ADAMTSL1: variants seen among roughly 807,000 people sequenced by gnomAD.
The protein encoded by ADAMTSL1 is ADAMTS-like protein 1.
In ADAMTSL1, 126 loss-of-function variants were observed where a neutral mutation model predicts 201.8. The observed-to-expected ratio is 0.62, with a 90% CI of 0.54 to 0.72. ADAMTSL1 has a LOEUF of 0.72. ADAMTSL1 is among the 30% of genes least tolerant of loss of function. The pLI is 0.00. For missense variants in ADAMTSL1, 2,679 were observed against 2,277.8 expected (o/e 1.18, Z -3.59); for synonymous variants, 1,121 against 903.4 (o/e 1.24, Z -4.32).
chr9:18,459,816 G>A (rs1820742705), intron 2 of ADAMTSL1, among the ~76,000 whole-genome samples: 1 of 152,132 alleles, frequency 6.6e-6, no homozygotes, highest in South Asian at 2.1e-4. Context: ...CGTAAATATG[G>A]TTCTTCCCAT....
intron 2 of ADAMTSL1, among the ~76,000 whole-genome samples, chr9:18,292,861 A>G (rs996796229): frequency 6.6e-6 from 1 of 152,190 alleles, no homozygotes; most frequent in Non-Finnish European, 1.5e-5. Context: ...CAGATAACCT[A>G]TCATGGGATT....
At chr9:18,038,516 G>A (rs1337741967) in intron 1 of ADAMTSL1, among the ~76,000 whole-genome samples, 1 of 152,144 alleles carries the variant, frequency 6.6e-6, no homozygotes, top group Non-Finnish European at 1.5e-5. Context: ...TTTTCAAGCT[G>A]ATGGCAATTC....
intron 9 of ADAMTSL1, among the ~76,000 whole-genome samples, chr9:18,673,150 A>G (rs561618433): frequency 1.3e-5 from 2 of 152,214 alleles, no homozygotes; most frequent in South Asian, 4.1e-4. Context: ...ACACACACCC[A>G]CATCGAGACC....
intron 14 of ADAMTSL1, among the ~76,000 whole-genome samples, chr9:18,710,552 G>A (rs1197365292): frequency 6.6e-6 from 1 of 151,852 alleles, no homozygotes; most frequent in African/African-American, 2.4e-5. Flanking sequence ...TTATTGGTTT[G>A]GAGTTATGTA....
At chr9:18,023,480 G>T (rs1820564275) in intron 1 of ADAMTSL1, among the ~76,000 whole-genome samples, 1 of 152,086 alleles carries the variant, frequency 6.6e-6, no homozygotes, top group African/African-American at 2.4e-5. Context: ...GACCAGATGG[G>T]GTCAAGAACC....
At position 18,157,489 on chromosome 9, in the gene ADAMTSL1, T is replaced by C. The variant is rs79725819; in HGVS notation, c.88-6373T>C. Among the ~76,000 whole-genome samples the C allele has an allele frequency of 5.5e-3, 836 of 152,106 alleles. 13 individuals are homozygous for C. Among genetic ancestry groups the C allele is most frequent in the African/African-American group, 0.019 (785 of 41,520 alleles). On this transcript the variant is annotated intron_variant, in intron 1 of 29. Transcript: ENST00000680146. The stretch of plus-strand genomic sequence containing the variant: ...TCTGGGACAGATCTTTAAATTCAGC[T>C]ACATCTGGTCACCTTGCCTCAAACC...
chr9:18,167,050 A>G (rs1273658619), intron 2 of ADAMTSL1, among the ~76,000 whole-genome samples: 3 of 151,988 alleles, frequency 2.0e-5, no homozygotes, highest in Non-Finnish European at 4.4e-5. Flanking sequence ...ACAGCAGTCA[A>G]CTAAACTTCC....
intron 1 of ADAMTSL1, among the ~76,000 whole-genome samples, chr9:18,084,793 A>G (rs1293346199): frequency 1.3e-5 from 2 of 151,938 alleles, no homozygotes; most frequent in Admixed American, 1.3e-4. Flanking sequence ...AAAACAGACA[A>G]AAATCCTTAC....
At chr9:18,143,829 G>A (rs1826507304) in intron 1 of ADAMTSL1, among the ~76,000 whole-genome samples, 1 of 152,148 alleles carries the variant, frequency 6.6e-6, no homozygotes, top group Non-Finnish European at 1.5e-5. Flanking sequence ...AAAATAATTT[G>A]CACAAAGCCA....
chr9:18,550,849 T>A (rs1412608692), intron 3 of ADAMTSL1, among the ~76,000 whole-genome samples: 1 of 152,018 alleles, frequency 6.6e-6, no homozygotes, highest in Non-Finnish European at 1.5e-5. Flanking sequence ...TATTTGTGTA[T>A]TACTAACATT....
chr9:18,816,038 A>G (rs1823828551), intron 20 of ADAMTSL1, among the ~76,000 whole-genome samples: 1 of 152,148 alleles, frequency 6.6e-6, no homozygotes, highest in African/African-American at 2.4e-5. Flanking sequence ...ATATTTTGAA[A>G]TATACACATA....
intron 2 of ADAMTSL1, among the ~76,000 whole-genome samples, chr9:18,305,430 A>G (rs1833871949): frequency 6.6e-6 from 1 of 152,214 alleles, no homozygotes; most frequent in South Asian, 2.1e-4. Flanking sequence ...CGACCCCCAC[A>G]GAGCCCAGCA....
intron 1 of ADAMTSL1, among the ~76,000 whole-genome samples, chr9:18,128,956 A>C (rs1022321036): frequency 6.6e-6 from 1 of 152,192 alleles, no homozygotes; most frequent in African/African-American, 2.4e-5. Context: ...CATTATAATA[A>C]AAACATAGAG....
chr9:18,799,250 G>T (rs1221063066), intron 20 of ADAMTSL1, among the ~76,000 whole-genome samples: 1 of 152,206 alleles, frequency 6.6e-6, no homozygotes, highest in Non-Finnish European at 1.5e-5. Flanking sequence ...CTAACACTTT[G>T]AAGTATTAAT....
At position 18,025,332 on chromosome 9, in the gene ADAMTSL1, G is replaced by A. The variant is rs544116045; in HGVS notation, c.87+118410G>A. Reference sequence around the variant, plus strand: ...ACTTAGTTATAAATATTTAGCCAAAGTTGATTTCCAGAAGATTACTTGCTA... The same window carrying A: ...ACTTAGTTATAAATATTTAGCCAAAATTGATTTCCAGAAGATTACTTGCTA... On this transcript the variant is annotated intron_variant, in intron 1 of 29. Transcript: ENST00000680146. 2.0e-5 allele frequency among the ~76,000 whole-genome samples: 3 copies of A among 152,186 alleles called. No individual in the cohort carries two copies. In the South Asian group the frequency reaches 6.2e-4, roughly 32 times the overall value.
chr9:18,463,580 T>G (rs1340429617), intron 2 of ADAMTSL1, among the ~76,000 whole-genome samples: 3 of 152,126 alleles, frequency 2.0e-5, no homozygotes, highest in African/African-American at 7.2e-5. Context: ...CAATCACCAT[T>G]CTACTCCCTG....
rs559869354 is a variant in ADAMTSL1 at position 18,379,892 on chromosome 9, C to T, written c.208-124937C>T. ...CATTTCCTTTACTCCATCCTCCCAT[C>T]GGGGATTAAAGGCTTTCATTAAAGC... On this transcript the variant is annotated intron_variant, in intron 2 of 29. Coordinates refer to the ADAMTSL1 transcript ENST00000680146. 8.7e-4 allele frequency among the ~76,000 whole-genome samples: 133 copies of T among 152,312 alleles called. No individual in the cohort carries two copies. The South Asian group carries it at 0.013, about 15-fold the overall frequency.
intron 3 of ADAMTSL1, among the ~76,000 whole-genome samples, chr9:18,537,525 G>C (rs939669828): frequency 2.0e-5 from 3 of 152,154 alleles, no homozygotes; most frequent in Non-Finnish European, 4.4e-5. Flanking sequence ...GTGGGAGCTA[G>C]ATCATGCAGG....
intron 2 of ADAMTSL1, among the ~76,000 whole-genome samples, chr9:18,297,341 CAACT>C (rs1381195127): frequency 6.6e-6 from 1 of 151,900 alleles, no homozygotes; most frequent in Non-Finnish European, 1.5e-5. Context: ...AGTTCATCAC[CAACT>C]AACTTTTTTC....
Sources: gnomAD v4.1 joint callset for allele counts (sites outside exome capture counted in the v4.1 genomes callset) on GRCh38, gnomAD v4.1.1 for gene constraint, MANE v1.5 for transcripts, NCBI Gene and HGNC (gene_info 2026-07-23, HGNC 2026-07-21) for gene names.